Variants in PCDHAC1 observed in about 807,000 individuals in gnomAD.
PCDHAC1 encodes the protein protocadherin alpha-C1.
A neutral mutation model predicts 60.0 loss-of-function variants in PCDHAC1; 42 were observed. The ratio of observed to expected loss-of-function variants is 0.70; its 90% CI spans 0.55 to 0.90. PCDHAC1 has a LOEUF of 0.90. Ranked by LOEUF, PCDHAC1 falls within the 40% of genes least tolerant of loss-of-function variation. PCDHAC1 has a pLI of 0.00. For synonymous variants in PCDHAC1, 468 were observed against 499.3 expected, an observed-to-expected ratio of 0.94 and a Z score of 0.84; for missense variants, 1,160 against 1,222.3, an observed-to-expected ratio of 0.95 and a Z score of 0.76.
intron 1 of PCDHAC1, chr5:140,968,774 C>G: frequency 6.2e-7 from 1 of 1,614,206 alleles, no homozygotes; most frequent in Non-Finnish European, 8.5e-7. Flanking sequence ...AGAGCCATCA[C>G]TATCAGCCTC....
Position 140,982,684 on chromosome 5 carries a change from T to C in PCDHAC1, c.2581+121T>C. Reference sequence around the variant, plus strand: ...TTTTATATTTTTGTTATTCCCTTTTTTCCATACATACATGATTTCCTTACA... The same window carrying C: ...TTTTATATTTTTGTTATTCCCTTTTCTCCATACATACATGATTTCCTTACA... On this transcript the variant is annotated intron_variant, in intron 3 of 3. Transcript: ENST00000253807. The C allele has an allele frequency of 2.8e-6, 4 of 1,425,176 alleles. No individual in the cohort carries two copies. In the South Asian group the frequency reaches 6.0e-5, roughly 21 times the overall value. 88.3% of individuals were successfully genotyped at this position (1,425,176 alleles called of 1,614,324 possible).
At chr5:140,962,790 C>T (rs899867239) in intron 1 of PCDHAC1, among the ~76,000 whole-genome samples, 28 of 152,286 alleles carry the variant, frequency 1.8e-4, no homozygotes, top group African/African-American at 6.0e-4. Flanking sequence ...TTAAAAACTA[C>T]TTTGGACAAC....
intron 1 of PCDHAC1, among the ~76,000 whole-genome samples, chr5:140,973,778 T>C (rs910410874): frequency 3.9e-5 from 6 of 152,256 alleles, no homozygotes; most frequent in African/African-American, 1.4e-4. Context: ...ATATTATAGG[T>C]TGCCTATTGG....
chr5:140,952,582 G>A (rs552541968), intron 1 of PCDHAC1, among the ~76,000 whole-genome samples: 4 of 152,220 alleles, frequency 2.6e-5, no homozygotes, highest in East Asian at 3.9e-4. Context: ...AATCATTCAA[G>A]TAGTCTCTAG....
chr5:140,929,326 G>A lies in PCDHAC1; in HGVS notation c.2433+1G>A. 6.5e-7 allele frequency: 1 copy of A among 1,538,470 alleles called. No individual in the cohort carries two copies. ...GGATCACGCTAATGTCAATGCCATGGTAAGCAAATTTTATGGAATTTGATT... is the reference window on the plus strand; with the variant it reads ...GGATCACGCTAATGTCAATGCCATGATAAGCAAATTTTATGGAATTTGATT... On this transcript the variant is annotated splice_donor_variant, in intron 1 of 3. Coordinates refer to ENST00000253807, the MANE Select transcript of PCDHAC1 (RefSeq NM_018898.5). LOFTEE classifies it high-confidence loss of function.
At chr5:140,993,460 T>TCCCACACA (rs1554253699) in intron 3 of PCDHAC1, among the ~76,000 whole-genome samples, 2 of 104,506 alleles carry the variant, frequency 1.9e-5, no homozygotes, top group African/African-American at 7.8e-5. Flanking sequence ...CTTCTTTCTT[T>TCCCACACA]CTCACACACA....
intron 1 of PCDHAC1, among the ~76,000 whole-genome samples, chr5:140,956,852 G>T (rs931766503): frequency 3.3e-5 from 5 of 152,060 alleles, no homozygotes; most frequent in African/African-American, 1.2e-4. Context: ...TGGGTTAAAT[G>T]GTTGAATGAA....
intron 3 of PCDHAC1, among the ~76,000 whole-genome samples, chr5:140,989,765 C>T (rs2097359812): frequency 6.6e-6 from 1 of 152,166 alleles, no homozygotes; most frequent in South Asian, 2.1e-4. Context: ...ATATTCAGTT[C>T]AAGCACTGGC....
intron 1 of PCDHAC1, among the ~76,000 whole-genome samples, chr5:140,960,268 C>T (rs909300103): frequency 3.3e-5 from 5 of 152,222 alleles, no homozygotes; most frequent in African/African-American, 7.2e-5. Context: ...TGATAAATTC[C>T]GTCACCTTTT....
intron 3 of PCDHAC1, among the ~76,000 whole-genome samples, chr5:140,991,620 T>C (rs2097462467): frequency 6.6e-6 from 1 of 152,212 alleles, no homozygotes; most frequent in Non-Finnish European, 1.5e-5. Flanking sequence ...TTTAATGCCA[T>C]ATTTGTAATA....
rs1379948594 is a variant in PCDHAC1, at chr5:140,982,575, G to A, written c.2581+12G>A. ...CAGTGCAACACCAGGTAAAGAGCTGGGGTCTCTCCATTCTTTCTTGGTTTC... is the reference window on the plus strand; with the variant it reads ...CAGTGCAACACCAGGTAAAGAGCTGAGGTCTCTCCATTCTTTCTTGGTTTC... On this transcript the variant is annotated intron_variant, in intron 3 of 3. Coordinates refer to ENST00000253807, the MANE Select transcript of PCDHAC1 (RefSeq NM_018898.5). The A allele has an allele frequency of 6.2e-7, 1 of 1,613,444 alleles. No homozygotes were observed. The highest frequency in any genetic ancestry group is 8.5e-7 in the Non-Finnish European group (1 of 1,179,518).
chr5:140,968,295 A>G lies in PCDHAC1; in HGVS notation c.2434-10654A>G, dbSNP rs782722853. 4 of 1,613,916 alleles carry G rather than the reference A, an allele frequency of 2.5e-6. No homozygotes were observed. The Admixed American group carries it at 5.0e-5, about 20-fold the overall frequency. ...GCAGAGGTGACCTACTCCCTTCTGG[A>G]GAGGGAGATTCAAGGGCTGCCAGTC... On this transcript the variant is annotated intron_variant, in intron 1 of 3. Coordinates refer to ENST00000253807, the MANE Select transcript of PCDHAC1 (RefSeq NM_018898.5).
intron 1 of PCDHAC1, chr5:140,967,116 G>A: frequency 1.2e-6 from 2 of 1,612,922 alleles, no homozygotes; most frequent in Non-Finnish European, 1.7e-6. Context: ...CGGCCTCGCT[G>A]CCTGCTCAGC....
Position 141,010,331 on chromosome 5 carries a change from T to C in PCDHAC1, c.*394T>C. 6.5e-7 allele frequency: 1 copy of C among 1,537,904 alleles called. No homozygotes were observed. Among genetic ancestry groups the C allele is most frequent in the Non-Finnish European group, 8.8e-7 (1 of 1,142,160 alleles). On this transcript the variant is annotated 3_prime_UTR_variant, in exon 4 of 4. Transcript: ENST00000253807. The stretch of plus-strand genomic sequence containing the variant: ...TTTTGAGATTGAGCAGCTTGGGAGT[T>C]TGTGGCCACTGGGTATGTGTGGCTA...
At chr5:140,933,901 CAT>C (rs1354614736) in intron 1 of PCDHAC1, among the ~76,000 whole-genome samples, 33 of 151,882 alleles carry the variant, frequency 2.2e-4, no homozygotes, top group African/African-American at 7.7e-4. Flanking sequence ...AATATTTTGG[CAT>C]AAAGTTGTTT....
intron 1 of PCDHAC1, among the ~76,000 whole-genome samples, chr5:140,952,977 C>G (rs148504111): frequency 6.6e-6 from 1 of 152,064 alleles, no homozygotes; most frequent in East Asian, 1.9e-4. Flanking sequence ...TTTTAAACAA[C>G]AAGATCTCAT....
chr5:140,976,466 G>C (rs1404890940), intron 1 of PCDHAC1, among the ~76,000 whole-genome samples: 1 of 152,104 alleles, frequency 6.6e-6, no homozygotes, highest in African/African-American at 2.4e-5. Flanking sequence ...AAGAAGAATT[G>C]CTTGAATCCG....
chr5:141,010,107 C>T lies in PCDHAC1; in HGVS notation c.*170C>T, dbSNP rs1457376249. On this transcript the variant is annotated 3_prime_UTR_variant, in exon 4 of 4. Coordinates refer to ENST00000253807, the MANE Select transcript of PCDHAC1 (RefSeq NM_018898.5). ...CTAGAACGCATTTAACAGGTTTTGT[C>T]GTAAAAGCTTTACTAAGTCTGGTGT... 8.1e-6 allele frequency: 13 copies of T among 1,611,484 alleles called. No individual in the cohort carries two copies. Among genetic ancestry groups the T allele is most frequent in the South Asian group, 4.4e-5 (4 of 90,776 alleles).
At position 140,993,462 on chromosome 5, in the gene PCDHAC1, T is replaced by TCACACACACA. The variant is rs3836747; in HGVS notation, c.2581+10937_2581+10946dup. On this transcript the variant is annotated intron_variant, in intron 3 of 3. Coordinates refer to ENST00000253807, the MANE Select transcript of PCDHAC1 (RefSeq NM_018898.5). Reference sequence around the variant, plus strand: ...CATTCCTGTTCTCCTTCTTTCTTTCTCACACACACACACACACACACACAC... The same window carrying TCACACACACA: ...CATTCCTGTTCTCCTTCTTTCTTTCTCACACACACACACACACACACACACACACACACAC... Among the ~76,000 whole-genome samples, 267 of 141,038 alleles carry TCACACACACA rather than the reference T, an allele frequency of 1.9e-3. 2 individuals are homozygous for TCACACACACA. The highest frequency in any genetic ancestry group is 2.7e-3 in the Non-Finnish European group (175 of 64,694). The allele number at this position is 141,038 out of a possible 152,430, so 92.5% of individuals were successfully genotyped here.
Sources: gnomAD v4.1 joint callset for allele counts (sites outside exome capture counted in the v4.1 genomes callset) on GRCh38, gnomAD v4.1.1 for gene constraint, MANE v1.5 for transcripts, NCBI Gene and HGNC (gene_info 2026-07-23, HGNC 2026-07-21) for gene names.